The following TCF4 variants were observed in gnomAD, a reference collection of about 807,000 sequenced individuals.
TCF4 encodes the protein SL3-3 enhancer factor 2.
Under a neutral mutation model 82.1 loss-of-function variants are expected in TCF4, and 3 were observed. The observed-to-expected ratio is 0.04, with a 90% CI of 0.02 to 0.09. The LOEUF (loss-of-function observed/expected upper bound fraction) is 0.09, where lower values mean the gene tolerates loss of function less well. Among genes scored for constraint, TCF4 ranks in the 10% least tolerant of loss-of-function variants. The pLI, the probability that TCF4 is intolerant of heterozygous loss-of-function variation, is 1.00. For missense variants in TCF4, 518 were observed against 852.7 expected (o/e 0.61, Z 4.89); for synonymous variants, 276 against 309.6 (o/e 0.89, Z 1.14).
intron 6 of TCF4, among the ~76,000 whole-genome samples, chr18:55,371,096 T>G (rs532744251): frequency 6.6e-6 from 1 of 152,160 alleles, no homozygotes; most frequent in Non-Finnish European, 1.5e-5. Context: ...CTTAGACATA[T>G]ATGGTGTGAC....
chr18:55,570,889 C>CAAA (rs201400921), intron 3 of TCF4, among the ~76,000 whole-genome samples: 5 of 67,802 alleles, frequency 7.4e-5, no homozygotes, highest in Admixed American at 1.7e-4. Context: ...GACCCTGCCT[C>CAAA]AAAAAAAAAA....
intron 9 of TCF4, among the ~76,000 whole-genome samples, chr18:55,277,912 A>G (rs2061774131): frequency 6.6e-6 from 1 of 152,170 alleles, no homozygotes; most frequent in Non-Finnish European, 1.5e-5. Flanking sequence ...GCTACTGTTT[A>G]TAACTGAAGG....
chr18:55,448,783 T>C (rs1308390402), intron 5 of TCF4, among the ~76,000 whole-genome samples: 1 of 152,250 alleles, frequency 6.6e-6, no homozygotes, highest in Non-Finnish European at 1.5e-5. Context: ...AGGCTTTTTA[T>C]GCCAGAGCAG....
In TCF4 at chr18:55,373,677, G is replaced by T. The variant is rs554741687; in HGVS notation, c.370-22674C>A. Among the ~76,000 whole-genome samples, 6 of 152,104 alleles carry T rather than the reference G, an allele frequency of 3.9e-5. No individual in the cohort carries two copies. The East Asian group carries it at 1.2e-3, about 29-fold the overall frequency. On this transcript the variant is annotated intron_variant, in intron 6 of 19. Coordinates refer to ENST00000354452, the MANE Select transcript of TCF4 (RefSeq NM_001083962.2). ...AAAAAAACAAAATGTAGCCAGGTTG[G>T]TGGCACATGCTTGTGATCCCAGCTA...
intron 15 of TCF4, among the ~76,000 whole-genome samples, chr18:55,236,859 C>T (rs2049605887): frequency 6.6e-6 from 1 of 152,184 alleles, no homozygotes; most frequent in Non-Finnish European, 1.5e-5. Context: ...CAAAGGATGA[C>T]TCTAAGTCAA....
At chr18:55,584,198 A>C (rs1242958170) in intron 3 of TCF4, among the ~76,000 whole-genome samples, 1 of 152,144 alleles carries the variant, frequency 6.6e-6, no homozygotes, top group Non-Finnish European at 1.5e-5. Context: ...AAGTGAACAA[A>C]CTTCTTTCAT....
At chr18:55,387,571 T>C (rs1346333572) in intron 6 of TCF4, among the ~76,000 whole-genome samples, 4 of 152,230 alleles carry the variant, frequency 2.6e-5, no homozygotes, top group African/African-American at 9.6e-5. Flanking sequence ...TCAGTGATTA[T>C]TATGGATTTA....
At chr18:55,569,725 T>C (rs1233203459) in intron 3 of TCF4, among the ~76,000 whole-genome samples, 3 of 152,028 alleles carry the variant, frequency 2.0e-5, no homozygotes. Context: ...ATTACGAAAT[T>C]ACAGCTAAAA....
chr18:55,598,961 CT>C (rs2097693998), intron 2 of TCF4, among the ~76,000 whole-genome samples: 1 of 152,210 alleles, frequency 6.6e-6, no homozygotes, highest in African/African-American at 2.4e-5. Flanking sequence ...TTGGTGCCCC[CT>C]GAACCTTGAA....
chr18:55,345,038 A>G (rs1175895317), intron 8 of TCF4, among the ~76,000 whole-genome samples: 1 of 152,106 alleles, frequency 6.6e-6, no homozygotes. Context: ...TGGATGAAGG[A>G]GCTCATTATT....
intron 3 of TCF4, among the ~76,000 whole-genome samples, chr18:55,538,720 T>C (rs1394501343): frequency 6.6e-6 from 1 of 152,104 alleles, no homozygotes; most frequent in African/African-American, 2.4e-5. Flanking sequence ...TCTTAGCGAG[T>C]GATCCTTCAG....
At chr18:55,381,245 G>A (rs781121107) in intron 6 of TCF4, among the ~76,000 whole-genome samples, 16 of 152,132 alleles carry the variant, frequency 1.1e-4, no homozygotes, top group Non-Finnish European at 1.8e-4. Context: ...TCACATTAAC[G>A]AGCTTAAAGA....
At chr18:55,391,235 A>T (rs2093061068) in intron 6 of TCF4, among the ~76,000 whole-genome samples, 1 of 152,198 alleles carries the variant, frequency 6.6e-6, no homozygotes, top group Non-Finnish European at 1.5e-5. Flanking sequence ...GATAATATAT[A>T]TTTCCACAGG....
chr18:55,622,314 C>A (rs2097722106), intron 2 of TCF4, among the ~76,000 whole-genome samples: 1 of 150,902 alleles, frequency 6.6e-6, no homozygotes, highest in Non-Finnish European at 1.5e-5. Context: ...CGAGACCATC[C>A]TGCCCAACAG....
intron 3 of TCF4, among the ~76,000 whole-genome samples, chr18:55,541,650 T>A (rs2097166358): frequency 6.6e-6 from 1 of 151,988 alleles, no homozygotes; most frequent in Non-Finnish European, 1.5e-5. Flanking sequence ...AAAGACAATC[T>A]TATCTACCAG....
chr18:55,467,636 A>G (rs1264662636), intron 3 of TCF4, among the ~76,000 whole-genome samples: 1 of 151,782 alleles, frequency 6.6e-6, no homozygotes, highest in Admixed American at 6.6e-5. Flanking sequence ...TTCACTATAC[A>G]CCTCCATCAC....
At chr18:55,372,722 T>G (rs537994720) in intron 6 of TCF4, among the ~76,000 whole-genome samples, 375 of 152,226 alleles carry the variant, frequency 2.5e-3, no homozygotes, top group Non-Finnish European at 4.2e-3. Flanking sequence ...GCTAGTAGAC[T>G]CTATGTGACT....
At chr18:55,408,129 G>A (rs906914645) in intron 5 of TCF4, among the ~76,000 whole-genome samples, 1 of 152,174 alleles carries the variant, frequency 6.6e-6, no homozygotes, top group African/African-American at 2.4e-5. Context: ...GTTTGGTTGT[G>A]TAGCCTTTCA....
At chr18:55,482,025 A>G (rs1312569835) in intron 3 of TCF4, 1 of 152,204 alleles carries the variant, frequency 6.6e-6, no homozygotes, top group Non-Finnish European at 1.5e-5. Context: ...AACAGCTAGC[A>G]TCAGGATTGG....
Sources: gnomAD v4.1 joint callset for allele counts (sites outside exome capture counted in the v4.1 genomes callset) on GRCh38, gnomAD v4.1.1 for gene constraint, MANE v1.5 for transcripts, NCBI Gene and HGNC (gene_info 2026-07-23, HGNC 2026-07-21) for gene names.